Variants in ANK3 observed in about 807,000 individuals in gnomAD.
ANK3 encodes the protein ankyrin-3.
Under a neutral mutation model 370.9 loss-of-function variants are expected in ANK3, and 57 were observed. The observed-to-expected ratio is 0.15, with a 90% CI of 0.12 to 0.19. The LOEUF is 0.19. Ranked by LOEUF, ANK3 falls within the 10% of genes least tolerant of loss-of-function variation. The pLI is 1.00. For missense variants in ANK3, 4,439 were observed against 5,302.1 expected, an observed-to-expected ratio of 0.84 and a Z score of 5.06; for synonymous variants, 1,929 against 1,946.3, an observed-to-expected ratio of 0.99 and a Z score of 0.23.
At chr10:60,040,249 A>C (rs2075846835) in intron 43 of ANK3, among the ~76,000 whole-genome samples, 1 of 152,152 alleles carries the variant, frequency 6.6e-6, no homozygotes, top group Non-Finnish European at 1.5e-5. Context: ...TTACCATCTA[A>C]GACTCAGTCA....
At chr10:60,568,293 C>T (rs2077510452) in intron 2 of ANK3, among the ~76,000 whole-genome samples, 1 of 152,168 alleles carries the variant, frequency 6.6e-6, no homozygotes, top group African/African-American at 2.4e-5. Flanking sequence ...CCTTTGGCAA[C>T]CACCATCCAT....
At chr10:60,432,472 C>G (rs1324060362) in intron 2 of ANK3, among the ~76,000 whole-genome samples, 1 of 152,144 alleles carries the variant, frequency 6.6e-6, no homozygotes, top group African/African-American at 2.4e-5. Context: ...CAGGGTGACA[C>G]TGATAGCAGA....
chr10:60,653,208 A>C (rs1273702250), intron 1 of ANK3, among the ~76,000 whole-genome samples: 1 of 152,140 alleles, frequency 6.6e-6, no homozygotes, highest in African/African-American at 2.4e-5. Flanking sequence ...TGTCCTGAGA[A>C]ATCTCAGACA....
At chr10:60,689,120 C>A (rs768336319) in intron 1 of ANK3, among the ~76,000 whole-genome samples, 6 of 152,122 alleles carry the variant, frequency 3.9e-5, no homozygotes, top group Non-Finnish European at 7.4e-5. Flanking sequence ...GTATATTTGG[C>A]TAGGAACAGT....
At chr10:60,145,819 G>C (rs907173753) in intron 23 of ANK3, 1 of 573,856 alleles carries the variant, frequency 1.7e-6, no homozygotes, top group Non-Finnish European at 3.1e-6. Context: ...TGAGGGCAAG[G>C]GGGCTTTGTC....
At chr10:60,269,588 T>G (rs1214755493) in intron 5 of ANK3, among the ~76,000 whole-genome samples, 1 of 151,744 alleles carries the variant, frequency 6.6e-6, no homozygotes, top group Non-Finnish European at 1.5e-5. Context: ...GAGGTTGCAG[T>G]GAGCTGAGAT....
intron 25 of ANK3, among the ~76,000 whole-genome samples, chr10:60,114,969 T>G (rs1242903226): frequency 1.3e-5 from 2 of 152,184 alleles, no homozygotes; most frequent in Non-Finnish European, 2.9e-5. Flanking sequence ...CAGGGGTCAC[T>G]GTTGTTGAAC....
At chr10:60,427,524 C>T (rs2063915229) in intron 2 of ANK3, among the ~76,000 whole-genome samples, 1 of 149,966 alleles carries the variant, frequency 6.7e-6, no homozygotes, top group Non-Finnish European at 1.5e-5. Flanking sequence ...AGGTTTCGGG[C>T]CCTAAAAAAA....
chr10:60,277,726 C>T (rs2098112320), intron 4 of ANK3, among the ~76,000 whole-genome samples: 1 of 152,168 alleles, frequency 6.6e-6, no homozygotes, highest in South Asian at 2.1e-4. Context: ...CAGAAGTTCT[C>T]CAATATCACT....
intron 2 of ANK3, among the ~76,000 whole-genome samples, chr10:60,480,703 A>G (rs2133100307): frequency 6.6e-6 from 1 of 152,268 alleles, no homozygotes; most frequent in South Asian, 2.1e-4. Context: ...TGGCCAACCA[A>G]CTTGGTTATT....
chr10:60,565,305 T>C (rs973064372), intron 2 of ANK3, among the ~76,000 whole-genome samples: 1 of 152,168 alleles, frequency 6.6e-6, no homozygotes, highest in Non-Finnish European at 1.5e-5. Context: ...CTCTTGCATG[T>C]GCAGTTCACA....
At chr10:60,359,792 C>G (rs1259082151) in intron 1 of ANK3, among the ~76,000 whole-genome samples, 1 of 152,118 alleles carries the variant, frequency 6.6e-6, no homozygotes, top group Non-Finnish European at 1.5e-5. Context: ...GAGAAAGCCC[C>G]TGTCTCTAAA....
chr10:60,163,625 AAG>A (rs1479923800), intron 23 of ANK3, among the ~76,000 whole-genome samples: 17 of 152,328 alleles, frequency 1.1e-4, no homozygotes, highest in Admixed American at 1.1e-3. Context: ...GAAAAAGGAA[AAG>A]AGAATGAAAA....
chr10:60,370,606 T>C lies in ANK3; in HGVS notation c.114+18819A>G, dbSNP rs953457266. On this transcript the variant is annotated intron_variant, in intron 1 of 43. Coordinates refer to ENST00000280772, the MANE Select transcript of ANK3 (RefSeq NM_020987.5). Reference sequence around the variant, plus strand: ...CACAATTATAACATCACAGTTCTTATCACAAAGATTGCCATAGTCTAGATC... The same window carrying C: ...CACAATTATAACATCACAGTTCTTACCACAAAGATTGCCATAGTCTAGATC... Among the ~76,000 whole-genome samples the C allele has an allele frequency of 3.9e-5, 6 of 152,342 alleles. No homozygotes were observed. In the South Asian group the frequency reaches 8.3e-4, roughly 21 times the overall value.
chr10:60,254,795 G>C (rs578036061), intron 7 of ANK3, among the ~76,000 whole-genome samples: 1 of 152,222 alleles, frequency 6.6e-6, no homozygotes, highest in African/African-American at 2.4e-5. Context: ...TCAAGTTGAA[G>C]TAACAGGAAT....
chr10:60,295,168 G>A (rs953979194), intron 1 of ANK3, among the ~76,000 whole-genome samples: 24 of 152,174 alleles, frequency 1.6e-4, no homozygotes, highest in African/African-American at 5.6e-4. Context: ...AGACTAATAT[G>A]TCACTTTCTA....
chr10:60,285,940 C>T (rs10994293), intron 1 of ANK3, among the ~76,000 whole-genome samples: 15,593 of 152,170 alleles, frequency 0.1, 1,177 homozygotes, highest in East Asian at 0.19. Context: ...CACTCTCTCC[C>T]TCAAACCCCC....
At chr10:60,552,586 T>C (rs767636931) in intron 2 of ANK3, among the ~76,000 whole-genome samples, 19 of 152,338 alleles carry the variant, frequency 1.2e-4, no homozygotes, top group Non-Finnish European at 2.2e-4. Context: ...GAACTCTCAA[T>C]ATGTGAGATT....
At chr10:60,215,937 G>T (rs1311816875) in intron 8 of ANK3, among the ~76,000 whole-genome samples, 1 of 152,112 alleles carries the variant, frequency 6.6e-6, no homozygotes, top group Non-Finnish European at 1.5e-5. Context: ...ATTATTTTGG[G>T]CAGTATGGCC....
Sources: gnomAD v4.1 joint callset for allele counts (sites outside exome capture counted in the v4.1 genomes callset) on GRCh38, gnomAD v4.1.1 for gene constraint, MANE v1.5 for transcripts, NCBI Gene and HGNC (gene_info 2026-07-23, HGNC 2026-07-21) for gene names.